Variants in FOXN3 observed in about 807,000 individuals in gnomAD.
The protein encoded by FOXN3 is forkhead box N3, also known as forkhead box protein N3.
In FOXN3, 7 loss-of-function variants were observed where a neutral mutation model predicts 38.4. That is an observed-to-expected ratio of 0.18 (90% CI 0.10 to 0.34). The LOEUF (loss-of-function observed/expected upper bound fraction) is 0.34. FOXN3 is among the 10% of genes least tolerant of loss of function. The probability of loss-of-function intolerance (pLI) is 1.00; values close to 1 mark genes in which losing one functional copy is unlikely to be tolerated. For missense variants in FOXN3, 456 were observed against 613.4 expected, an observed-to-expected ratio of 0.74 and a Z score of 2.71; for synonymous variants, 230 against 242.2, an observed-to-expected ratio of 0.95 and a Z score of 0.47.
At chr14:89,463,749 G>T (rs954677880) in intron 1 of FOXN3, among the ~76,000 whole-genome samples, 1 of 151,934 alleles carries the variant, frequency 6.6e-6, no homozygotes, top group African/African-American at 2.4e-5. Context: ...GGAGACTGGG[G>T]AATCAGAGAT....
At chr14:89,322,005 T>C (rs1486197261) in intron 3 of FOXN3, among the ~76,000 whole-genome samples, 1 of 152,218 alleles carries the variant, frequency 6.6e-6, no homozygotes. Flanking sequence ...CAAATCCTTT[T>C]ACCCACTCCC....
At chr14:89,165,478 G>A (rs934712658) in intron 5 of FOXN3, among the ~76,000 whole-genome samples, 11 of 152,178 alleles carry the variant, frequency 7.2e-5, no homozygotes, top group Admixed American at 3.3e-4. Context: ...ATCGGGAGGC[G>A]TATGGGAACC....
At chr14:89,507,751 G>A (rs981651243) in intron 1 of FOXN3, among the ~76,000 whole-genome samples, 4 of 150,608 alleles carry the variant, frequency 2.7e-5, no homozygotes, top group Non-Finnish European at 4.4e-5. Flanking sequence ...CAGTCTAAAT[G>A]AACAGAAGGA....
chr14:89,186,892 T>A (rs1391138329), intron 4 of FOXN3, among the ~76,000 whole-genome samples: 2 of 152,308 alleles, frequency 1.3e-5, no homozygotes, highest in South Asian at 4.1e-4. Flanking sequence ...CTGGGCTCCC[T>A]TGGGGCAACA....
intron 1 of FOXN3, among the ~76,000 whole-genome samples, chr14:89,481,270 C>T (rs372827758): frequency 1.3e-5 from 2 of 152,100 alleles, no homozygotes; most frequent in East Asian, 1.9e-4. Flanking sequence ...TAAAATGCAG[C>T]GCCCAGTTTT....
chr14:89,390,779 G>A (rs140486282), intron 2 of FOXN3, among the ~76,000 whole-genome samples: 180 of 152,254 alleles, frequency 1.2e-3, no homozygotes, highest in African/African-American at 3.1e-3. Flanking sequence ...GAGGTGCCTC[G>A]GTTGAAGTTC....
chr14:89,421,362 G>C (rs1891902299), upstream of FOXN3, among the ~76,000 whole-genome samples: 1 of 151,500 alleles, frequency 6.6e-6, no homozygotes. Flanking sequence ...TGGTCAGGCT[G>C]GTCTTGAACT....
chr14:89,319,898 A>G (rs1439795017), intron 3 of FOXN3, among the ~76,000 whole-genome samples: 1 of 152,240 alleles, frequency 6.6e-6, no homozygotes, highest in Non-Finnish European at 1.5e-5. Context: ...CAAATCACCA[A>G]CCAGGGCTAA....
intron 1 of FOXN3, among the ~76,000 whole-genome samples, chr14:89,562,155 T>A (rs549193317): frequency 2.0e-5 from 3 of 152,354 alleles, no homozygotes; most frequent in East Asian, 1.9e-4. Context: ...TGGGTACGTG[T>A]GTACACAGAT....
At chr14:89,520,481 A>T (rs1158129972) in intron 1 of FOXN3, among the ~76,000 whole-genome samples, 1 of 152,218 alleles carries the variant, frequency 6.6e-6, no homozygotes, top group African/African-American at 2.4e-5. Flanking sequence ...TAGAAAGATG[A>T]AATCCCAGAA....
chr14:89,473,218 G>T (rs1354827774), intron 1 of FOXN3, among the ~76,000 whole-genome samples: 1 of 151,560 alleles, frequency 6.6e-6, no homozygotes, highest in Non-Finnish European at 1.5e-5. Context: ...TAGAGATGGG[G>T]TTTCACCATG....
At chr14:89,512,169 T>G (rs1315894323) in intron 1 of FOXN3, among the ~76,000 whole-genome samples, 1 of 152,150 alleles carries the variant, frequency 6.6e-6, no homozygotes, top group Non-Finnish European at 1.5e-5. Context: ...GAGCAGGACA[T>G]GAAGCCATAG....
chr14:89,514,151 G>T (rs1894156448), intron 1 of FOXN3, among the ~76,000 whole-genome samples: 6 of 152,208 alleles, frequency 3.9e-5, no homozygotes, highest in Admixed American at 3.9e-4. Context: ...AGAAAAAGAA[G>T]AAAGTGGTGA....
chr14:89,430,040 T>C (rs1396140789), intron 1 of FOXN3, among the ~76,000 whole-genome samples: 1 of 152,226 alleles, frequency 6.6e-6, no homozygotes, highest in African/African-American at 2.4e-5. Flanking sequence ...CATTTATTTC[T>C]CTGAGTTTTT....
intron 1 of FOXN3, among the ~76,000 whole-genome samples, chr14:89,574,351 T>TGAA (rs1895555184): frequency 6.6e-6 from 1 of 152,238 alleles, no homozygotes; most frequent in Non-Finnish European, 1.5e-5. Flanking sequence ...AAGGACATAT[T>TGAA]CGTTCCATGG....
intron 1 of FOXN3, among the ~76,000 whole-genome samples, chr14:89,505,642 C>A (rs1893904318): frequency 6.6e-6 from 1 of 152,106 alleles, no homozygotes. Flanking sequence ...CACCTCCCAG[C>A]TGCCTGCCTT....
chr14:89,597,198 T>C (rs1896074324), intron 1 of FOXN3, among the ~76,000 whole-genome samples: 1 of 152,214 alleles, frequency 6.6e-6, no homozygotes, highest in South Asian at 2.1e-4. Flanking sequence ...TTTTCTACTT[T>C]CCATTGCCAT....
In FOXN3 at chr14:89,462,657, A is replaced by G. The variant is rs1892870190; in HGVS notation, c.-14-50167T>C. Among the ~76,000 whole-genome samples the G allele has an allele frequency of 1.3e-5, 2 of 150,216 alleles. 1 individual carries two copies. Among genetic ancestry groups the G allele is most frequent in the South Asian group, 4.2e-4 (2 of 4,754 alleles). On this transcript the variant is annotated intron_variant, in intron 1 of 6. Transcript: ENST00000345097. Reference sequence around the variant, plus strand: ...AATGGAGGGGGCTGGGTATGCTAACATGCTTTCTCAGGTCTCTCTTCCTCT... The same window carrying G: ...AATGGAGGGGGCTGGGTATGCTAACGTGCTTTCTCAGGTCTCTCTTCCTCT...
intron 4 of FOXN3, among the ~76,000 whole-genome samples, chr14:89,222,527 T>C (rs1284606422): frequency 6.6e-6 from 1 of 152,170 alleles, no homozygotes; most frequent in Non-Finnish European, 1.5e-5. Context: ...GTGGGCCACA[T>C]GAAATCTGCC....
Sources: allele counts gnomAD v4.1 joint callset (sites outside exome capture counted in the v4.1 genomes callset), GRCh38; gene constraint gnomAD v4.1.1; transcripts MANE v1.5; gene names NCBI Gene and HGNC (gene_info 2026-07-23, HGNC 2026-07-21).